GRM7: variants seen among roughly 807,000 people sequenced by gnomAD.
GRM7 encodes metabotropic glutamate receptor 7.
Under a neutral mutation model 84.5 loss-of-function variants are expected in GRM7, and 35 were observed. The ratio of observed to expected loss-of-function variants is 0.41; its 90% confidence interval spans 0.32 to 0.55. The LOEUF (loss-of-function observed/expected upper bound fraction) is 0.55, where lower values mean the gene tolerates loss of function less well. GRM7 is among the 20% of genes least tolerant of loss of function. The pLI is 0.19. For missense variants in GRM7, 1,003 were observed against 1,194.6 expected, an observed-to-expected ratio of 0.84 and a Z score of 2.36; for synonymous variants, 487 against 455.1, an observed-to-expected ratio of 1.07 and a Z score of -0.89.
chr3:7,545,926 C>G (rs888764714), intron 7 of GRM7, among the ~76,000 whole-genome samples: 1 of 152,186 alleles, frequency 6.6e-6, no homozygotes, highest in South Asian at 2.1e-4. Context: ...ATTTTCTTCT[C>G]TGAGCCTCAA....
At chr3:7,290,681 C>T (rs1699589738) in intron 2 of GRM7, among the ~76,000 whole-genome samples, 1 of 152,128 alleles carries the variant, frequency 6.6e-6, no homozygotes, top group Non-Finnish European at 1.5e-5. Flanking sequence ...CACCCCAACC[C>T]CAGCAGCATA....
At chr3:7,536,119 C>T (rs1701233266) in intron 7 of GRM7, among the ~76,000 whole-genome samples, 2 of 152,250 alleles carry the variant, frequency 1.3e-5, no homozygotes, top group South Asian at 4.1e-4. Context: ...TGTGGTGGCT[C>T]AGATGATGGG....
intron 1 of GRM7, among the ~76,000 whole-genome samples, chr3:7,119,952 T>C (rs1195577592): frequency 6.6e-6 from 1 of 152,140 alleles, no homozygotes; most frequent in South Asian, 2.1e-4. Flanking sequence ...TGGCTTTTCC[T>C]TGTAAGGTTT....
chr3:6,864,351 A>G (rs1694869541), intron 1 of GRM7, among the ~76,000 whole-genome samples: 1 of 152,166 alleles, frequency 6.6e-6, no homozygotes, highest in African/African-American at 2.4e-5. Flanking sequence ...TATACCAACA[A>G]TCTCTTCCAG....
chr3:7,146,335 A>G, intron 1 of GRM7, 117 bp from the exon 2 acceptor site: 1 of 785,642 alleles, frequency 1.3e-6, no homozygotes, highest in East Asian at 2.5e-5. Flanking sequence ...GTGTTTGGCA[A>G]AACATGTATC....
rs1553617438 is a variant in GRM7 at position 7,103,816 on chromosome 3, T to TTCTTTCTCTCTCTCTC, written c.520-42633_520-42632insTTCTCTCTCTCTCTCT. Reference sequence around the variant, plus strand: ...TTTCTTTCTTTCTTTCTTTCTTTCTTTCTCTCTCTCTCTGTCTCTCTCTCC... The same window carrying TTCTTTCTCTCTCTCTC: ...TTTCTTTCTTTCTTTCTTTCTTTCTTTCTTTCTCTCTCTCTCTCTCTCTCTCTCTGTCTCTCTCTCC... On this transcript the variant is annotated intron_variant, in intron 1 of 9. Transcript: ENST00000357716. Among the ~76,000 whole-genome samples the TTCTTTCTCTCTCTCTC allele has an allele frequency of 5.9e-4, 53 of 89,112 alleles. 1 individual carries two copies. Among genetic ancestry groups the TTCTTTCTCTCTCTCTC allele is most frequent in the African/African-American group, 2.2e-3 (45 of 20,770 alleles). 58.5% of individuals were successfully genotyped at this position (89,112 alleles called of 152,430 possible).
At chr3:7,363,497 A>G (rs951088364) in intron 4 of GRM7, among the ~76,000 whole-genome samples, 7 of 152,126 alleles carry the variant, frequency 4.6e-5, no homozygotes, top group Non-Finnish European at 7.4e-5. Flanking sequence ...AAACCTGACC[A>G]TTTATTTTAT....
chr3:7,310,875 C>T (rs369282192), intron 4 of GRM7, among the ~76,000 whole-genome samples: 6 of 152,090 alleles, frequency 3.9e-5, no homozygotes, highest in African/African-American at 1.2e-4. Context: ...TTTCTCTCTT[C>T]CCTTATCCCT....
intron 1 of GRM7, among the ~76,000 whole-genome samples, chr3:7,092,419 C>T (rs749697415): frequency 6.6e-5 from 10 of 152,086 alleles, no homozygotes; most frequent in Middle Eastern, 3.2e-3. Flanking sequence ...TAATGAGTCT[C>T]GGGCAATTGA....
chr3:7,312,629 T>C lies in GRM7; in HGVS notation c.1033+5977T>C, dbSNP rs138134768. ...GATAAGCAGAAAACTTCTCCCAATA[T>C]GTTGGTTTAAAATGCCAAATGCTGA... On this transcript the variant is annotated intron_variant, in intron 4 of 9. Transcript: ENST00000357716. Among the ~76,000 whole-genome samples, 139 of 152,282 alleles carry C rather than the reference T, an allele frequency of 9.1e-4. 1 individual carries two copies. The Middle Eastern group carries it at 0.01, about 11-fold the overall frequency.
chr3:7,624,157 A>G lies in GRM7; in HGVS notation c.2451+44800A>G, dbSNP rs538418454. ...TAGATATAAAAATTAACCAAAGTCA[A>G]TAGTGTTAGAGGTTACATTCAAAAT... On this transcript the variant is annotated intron_variant, in intron 8 of 9. Coordinates refer to ENST00000357716, the MANE Select transcript of GRM7 (RefSeq NM_000844.4). Among the ~76,000 whole-genome samples the G allele has an allele frequency of 5.9e-5, 9 of 152,288 alleles. No homozygotes were observed. The South Asian group carries it at 1.4e-3, about 25-fold the overall frequency.
At chr3:7,079,928 A>G (rs1698223608) in intron 1 of GRM7, among the ~76,000 whole-genome samples, 1 of 152,124 alleles carries the variant, frequency 6.6e-6, no homozygotes, top group Non-Finnish European at 1.5e-5. Context: ...TTGTTTTTCT[A>G]GCTGGAAATT....
At chr3:7,615,865 T>C (rs954321417) in intron 8 of GRM7, among the ~76,000 whole-genome samples, 1 of 152,078 alleles carries the variant, frequency 6.6e-6, no homozygotes, top group Non-Finnish European at 1.5e-5. Context: ...GTTTTATGTG[T>C]GTATGAGTGT....
At chr3:7,463,205 T>C (rs1172874013) in intron 7 of GRM7, among the ~76,000 whole-genome samples, 2 of 152,184 alleles carry the variant, frequency 1.3e-5, no homozygotes, top group Non-Finnish European at 2.9e-5. Flanking sequence ...CATTAATCTT[T>C]TCCAGCATAA....
At chr3:7,592,928 C>T (rs1695862703) in intron 8 of GRM7, among the ~76,000 whole-genome samples, 1 of 152,146 alleles carries the variant, frequency 6.6e-6, no homozygotes, top group East Asian at 1.9e-4. Context: ...TACCCTTGTA[C>T]TCAGCCTAGG....
At chr3:7,572,914 G>C (rs1239356) in intron 7 of GRM7, among the ~76,000 whole-genome samples, 55,365 of 104,042 alleles carry the variant, frequency 0.53, 16,350 homozygotes, top group Non-Finnish European at 0.54. Context: ...TTCTTTCTAT[G>C]TGGAGTACAT....
intron 1 of GRM7, among the ~76,000 whole-genome samples, chr3:7,104,755 G>A (rs1699238057): frequency 6.6e-6 from 1 of 151,768 alleles, no homozygotes; most frequent in South Asian, 2.1e-4. Flanking sequence ...TAGGAGATAA[G>A]AGCTGGTATG....
intron 7 of GRM7, among the ~76,000 whole-genome samples, chr3:7,566,402 C>T (rs1014020086): frequency 6.6e-6 from 1 of 152,050 alleles, no homozygotes; most frequent in African/African-American, 2.4e-5. Flanking sequence ...CATTCTTTCT[C>T]ATTGAGAGAT....
At chr3:7,048,581 T>G (rs1389857581) in intron 1 of GRM7, among the ~76,000 whole-genome samples, 2 of 151,972 alleles carry the variant, frequency 1.3e-5, no homozygotes, top group East Asian at 3.9e-4. Context: ...TACTTCCCCA[T>G]TTTTCTCATA....
Sources: allele counts gnomAD v4.1 joint callset (sites outside exome capture counted in the v4.1 genomes callset), GRCh38; gene constraint gnomAD v4.1.1; transcripts MANE v1.5; gene names NCBI Gene and HGNC (gene_info 2026-07-23, HGNC 2026-07-21).